The following TET3 variants were observed in gnomAD, a reference collection of about 807,000 sequenced individuals.
The protein encoded by TET3 is tet methylcytosine dioxygenase 3.
Under a neutral mutation model 141.4 loss-of-function variants are expected in TET3, and 19 were observed. That is an observed-to-expected ratio of 0.13 (90% CI 0.09 to 0.20). The LOEUF (loss-of-function observed/expected upper bound fraction) is 0.20, where lower values mean the gene tolerates loss of function less well. Ranked by LOEUF, TET3 falls within the 10% of genes least tolerant of loss-of-function variation. The probability of loss-of-function intolerance (pLI) is 1.00; values close to 1 mark genes in which losing one functional copy is unlikely to be tolerated. For missense variants in TET3, 1,874 were observed against 2,356.9 expected (o/e 0.80, Z 4.24); for synonymous variants, 1,043 against 980.9 (o/e 1.06, Z -1.18).
the TET3 span, among the ~76,000 whole-genome samples, chr2:74,131,793 G>C: frequency 6.6e-6 from 1 of 151,976 alleles, no homozygotes; most frequent in African/African-American, 2.4e-5. Flanking sequence ...GGCTACATCC[G>C]ATGCAATGCT....
chr2:73,991,946 G>C (rs1429191070), intron 2 of TET3, among the ~76,000 whole-genome samples: 2 of 152,104 alleles, frequency 1.3e-5, no homozygotes, highest in Admixed American at 6.6e-5. Flanking sequence ...GTGAGTGAGG[G>C]GGTAAAAGGC....
At chr2:74,082,842 A>G (rs1689908477) in intron 6 of TET3, among the ~76,000 whole-genome samples, 1 of 151,604 alleles carries the variant, frequency 6.6e-6, no homozygotes, top group Non-Finnish European at 1.5e-5. Context: ...GCTTAGAAGG[A>G]CGGATTATTC....
At chr2:74,006,256 C>G (rs1340782649) in intron 3 of TET3, among the ~76,000 whole-genome samples, 1 of 152,210 alleles carries the variant, frequency 6.6e-6, no homozygotes, top group Non-Finnish European at 1.5e-5. Context: ...GTGAGCATGT[C>G]AAACTAGAGA....
At chr2:73,992,327 T>C (rs1370364278) in intron 2 of TET3, among the ~76,000 whole-genome samples, 2 of 151,874 alleles carry the variant, frequency 1.3e-5, no homozygotes, top group African/African-American at 2.4e-5. Flanking sequence ...TGTTTTGTTT[T>C]GTTTGAGATG....
intron 6 of TET3, among the ~76,000 whole-genome samples, chr2:74,083,414 G>T (rs1476172719): frequency 6.6e-6 from 1 of 152,218 alleles, no homozygotes; most frequent in Admixed American, 6.5e-5. Context: ...TTAGGAAGCC[G>T]CAGGTGTTAG....
chr2:74,050,243 A>T (rs1433247142), intron 4 of TET3, among the ~76,000 whole-genome samples: 1 of 152,214 alleles, frequency 6.6e-6, no homozygotes, highest in African/African-American at 2.4e-5. Flanking sequence ...CACTTTACAT[A>T]ACCCATCACG....
intron 8 of TET3, among the ~76,000 whole-genome samples, chr2:74,090,437 G>A (rs952563103): frequency 5.6e-4 from 85 of 152,258 alleles, no homozygotes; most frequent in Non-Finnish European, 1.9e-4. Context: ...CCCGCATGTG[G>A]GCCATCCTCT....
the TET3 span, among the ~76,000 whole-genome samples, chr2:74,117,193 C>T: frequency 1.8e-4 from 28 of 152,122 alleles, no homozygotes; most frequent in African/African-American, 2.9e-4. Flanking sequence ...TCTACTGCCT[C>T]GGGCTCCCAA....
At chr2:74,099,170 A>G in intron 10 of TET3, 106 bp from the exon 11 acceptor site, 5 of 1,031,088 alleles carry the variant, frequency 4.8e-6, no homozygotes. Flanking sequence ...TGGTATTGGG[A>G]TTGTGTGGGG....
At chr2:74,117,254 T>C in the TET3 span, among the ~76,000 whole-genome samples, 6 of 152,222 alleles carry the variant, frequency 3.9e-5, no homozygotes, top group South Asian at 1.2e-3. Context: ...TTTTTGTATT[T>C]TTAGTAGAGA....
At chr2:74,012,914 T>C (rs950345436) in intron 3 of TET3, among the ~76,000 whole-genome samples, 3 of 151,260 alleles carry the variant, frequency 2.0e-5, no homozygotes, top group Non-Finnish European at 4.4e-5. Context: ...CATGTCTGTT[T>C]AGCATGGTTT....
At chr2:73,998,685 G>A (rs904110443) in intron 2 of TET3, 1 of 152,256 alleles carries the variant, frequency 6.6e-6, no homozygotes, top group African/African-American at 2.4e-5. Context: ...ACCGTAAAGA[G>A]TTTCAAATAT....
chr2:74,003,848 T>C (rs1685004979), intron 3 of TET3, among the ~76,000 whole-genome samples: 2 of 113,086 alleles, frequency 1.8e-5, no homozygotes, highest in Non-Finnish European at 3.7e-5. Flanking sequence ...CTTGTGGTTG[T>C]CTGGGGGGCG....
intron 10 of TET3, among the ~76,000 whole-genome samples, chr2:74,097,124 A>G (rs534211509): frequency 2.1e-5 from 1 of 47,802 alleles, no homozygotes; most frequent in East Asian, 5.2e-4. Flanking sequence ...AAAAAAAAAA[A>G]AGAAAAGCAG....
intron 6 of TET3, among the ~76,000 whole-genome samples, chr2:74,083,858 C>T (rs1689966690): frequency 6.6e-6 from 1 of 152,202 alleles, no homozygotes; most frequent in Non-Finnish European, 1.5e-5. Flanking sequence ...ATGCCTCACA[C>T]ATGAGTGTGA....
chr2:74,068,775 G>A (rs1215052438), intron 4 of TET3, among the ~76,000 whole-genome samples: 1 of 152,178 alleles, frequency 6.6e-6, no homozygotes, highest in Non-Finnish European at 1.5e-5. Flanking sequence ...CTCTGAAAGA[G>A]GGAAAATGAC....
chr2:74,117,586 G>C, the TET3 span, among the ~76,000 whole-genome samples: 41 of 152,050 alleles, frequency 2.7e-4, no homozygotes, highest in Admixed American at 2.2e-3. Context: ...TTGCACAAAT[G>C]GTACAATGAG....
intron 3 of TET3, among the ~76,000 whole-genome samples, chr2:74,033,899 C>G (rs899190407): frequency 2.0e-5 from 3 of 152,038 alleles, no homozygotes; most frequent in African/African-American, 7.2e-5. Flanking sequence ...AATTCGAGAC[C>G]AGCCTGGCCA....
At chr2:74,129,753 G>A in the TET3 span, among the ~76,000 whole-genome samples, 1 of 152,142 alleles carries the variant, frequency 6.6e-6, no homozygotes, top group Non-Finnish European at 1.5e-5. Flanking sequence ...TCCAGAGAGA[G>A]GCAGGAGTCT....
Sources: gnomAD v4.1 joint callset for allele counts (sites outside exome capture counted in the v4.1 genomes callset) on GRCh38, gnomAD v4.1.1 for gene constraint, MANE v1.5 for transcripts, NCBI Gene and HGNC (gene_info 2026-07-23, HGNC 2026-07-21) for gene names.